The following CHMP4B variants were observed in gnomAD, a reference collection of about 807,000 sequenced individuals.
The protein encoded by CHMP4B is SNF7 homolog associated with Alix 1.
In CHMP4B, 1 loss-of-function variant was observed where a neutral mutation model predicts 25.1. The ratio of observed to expected loss-of-function variants is 0.04; its 90% CI spans 0.01 to 0.19. The LOEUF (loss-of-function observed/expected upper bound fraction) is 0.19, where lower values mean the gene tolerates loss of function less well. Among genes scored for constraint, CHMP4B ranks in the 10% least tolerant of loss-of-function variants. The pLI is 1.00. For missense variants in CHMP4B, 151 were observed against 289.7 expected, an observed-to-expected ratio of 0.52 and a Z score of 3.48; for synonymous variants, 101 against 115.6, an observed-to-expected ratio of 0.87 and a Z score of 0.81.
chr20:33,830,595 GA>G (rs1979212217), intron 1 of CHMP4B, among the ~76,000 whole-genome samples: 1 of 152,076 alleles, frequency 6.6e-6, no homozygotes, highest in Non-Finnish European at 1.5e-5. Flanking sequence ...GCAGGGAGTG[GA>G]TAGAGAGCGG....
At chr20:33,838,501 CA>C (rs1467991884) in intron 1 of CHMP4B, among the ~76,000 whole-genome samples, 1 of 152,044 alleles carries the variant, frequency 6.6e-6, no homozygotes. Context: ...AAAAGGAAGC[CA>C]AAAATCTGGA....
intron 1 of CHMP4B, among the ~76,000 whole-genome samples, chr20:33,813,143 TA>T (rs754102878): frequency 0.015 from 1,623 of 111,842 alleles, 15 homozygotes; most frequent in African/African-American, 0.036. Flanking sequence ...ACCAGCTCTG[TA>T]AAAAAAAAAA....
Position 33,811,423 on chromosome 20 carries a change from G to A in CHMP4B, c.-46G>A. On this transcript the variant is annotated 5_prime_UTR_variant, in exon 1 of 5. Coordinates refer to ENST00000217402, the MANE Select transcript of CHMP4B (RefSeq NM_176812.5). ...GCCGACCCGAGCCGAGCCGAGCCGA[G>A]CCGAGCCGGAGCGGGCGGCGAAGGC... is the stretch of plus-strand genomic sequence containing the variant. 6.9e-7 allele frequency: 1 copy of A among 1,443,874 alleles called. No homozygotes were observed. The highest frequency in any genetic ancestry group is 9.1e-7 in the Non-Finnish European group (1 of 1,098,914). 89.4% of individuals were successfully genotyped at this position (1,443,874 alleles called of 1,614,324 possible).
rs1467759722 is a variant in CHMP4B, at chr20:33,811,495, G to C, written c.27G>C (p.Gly9=). 5 of 1,589,432 alleles carry C rather than the reference G, an allele frequency of 3.1e-6. No individual in the cohort carries two copies. Among genetic ancestry groups the C allele is most frequent in the African/African-American group, 2.7e-5 (2 of 74,594 alleles). The stretch of plus-strand genomic sequence containing the variant: ...TGTCGGTGTTCGGGAAGCTGTTCGG[G>C]GCTGGAGGGGGTAAGGCCGGCAAGG... MSVFGKLF[G]AGGGKAGKGG... The change falls in exon 1 of 5, where the codon GGG becomes GGC. Residue 9 remains glycine, a synonymous_variant. Transcript: ENST00000217402.
chr20:33,814,326 T>C (rs1978723143), intron 1 of CHMP4B, among the ~76,000 whole-genome samples: 1 of 152,144 alleles, frequency 6.6e-6, no homozygotes. Flanking sequence ...GTGTCAGCCC[T>C]TCAGGAACTC....
intron 1 of CHMP4B, among the ~76,000 whole-genome samples, chr20:33,820,736 G>A (rs899862988): frequency 6.6e-6 from 1 of 152,162 alleles, no homozygotes; most frequent in African/African-American, 2.4e-5. Flanking sequence ...GTAATGGAAT[G>A]TTAGAGCAGA....
In CHMP4B at chr20:33,852,121, A is replaced by G; in HGVS notation, c.528A>G (p.Leu176=). 1.2e-6 allele frequency: 2 copies of G among 1,614,242 alleles called. No homozygotes were observed. The highest frequency in any genetic ancestry group is 1.7e-6 in the Non-Finnish European group (2 of 1,180,026). ...AELEELEQEE[L]DKNLLEISGP... Reference sequence around the variant, plus strand: ...TAGAAGAACTAGAACAGGAGGAACTAGACAAGAATTTGCTGGAAATCAGTG... The same window carrying G: ...TAGAAGAACTAGAACAGGAGGAACTGGACAAGAATTTGCTGGAAATCAGTG... Residue 176 remains leucine (L), a synonymous_variant, in exon 4 of 5, where the codon CTA becomes CTG. Transcript: ENST00000217402.
intron 1 of CHMP4B, among the ~76,000 whole-genome samples, chr20:33,821,086 CATT>C (rs2122785336): frequency 6.6e-6 from 1 of 152,220 alleles, no homozygotes; most frequent in Non-Finnish European, 1.5e-5. Context: ...CATAAGCAAT[CATT>C]ATAAATTCCT....
intron 4 of CHMP4B, among the ~76,000 whole-genome samples, chr20:33,852,893 C>T (rs1280224839): frequency 5.3e-5 from 8 of 152,162 alleles, no homozygotes; most frequent in Admixed American, 5.2e-4. Flanking sequence ...CATCCCCTCG[C>T]ACAATATTTC....
chr20:33,849,136 C>T (rs938316761), intron 2 of CHMP4B, among the ~76,000 whole-genome samples: 24 of 152,224 alleles, frequency 1.6e-4, no homozygotes, highest in Non-Finnish European at 1.5e-5. Context: ...CTCTCTTGCT[C>T]TCCGGCTGTA....
intron 1 of CHMP4B, among the ~76,000 whole-genome samples, chr20:33,829,415 C>T (rs1181831450): frequency 6.6e-6 from 1 of 152,158 alleles, no homozygotes; most frequent in African/African-American, 2.4e-5. Context: ...CAGAAACAAA[C>T]TCAGGCAAAA....
intron 1 of CHMP4B, among the ~76,000 whole-genome samples, chr20:33,823,250 T>A (rs1271539533): frequency 6.6e-6 from 1 of 152,108 alleles, no homozygotes; most frequent in Non-Finnish European, 1.5e-5. Flanking sequence ...AGCAACTCCA[T>A]GTGTGAGTGG....
intron 1 of CHMP4B, among the ~76,000 whole-genome samples, chr20:33,817,083 T>G (rs1978802325): frequency 1.3e-5 from 2 of 152,228 alleles, no homozygotes; most frequent in African/African-American, 4.8e-5. Context: ...GGAATCAAGA[T>G]CTCAGGTTGA....
intron 1 of CHMP4B, among the ~76,000 whole-genome samples, chr20:33,848,246 C>A (rs547432158): frequency 2.0e-4 from 31 of 152,258 alleles, no homozygotes; most frequent in African/African-American, 7.0e-4. Context: ...GAGGGTTGAA[C>A]TTTGGCTTGT....
intron 1 of CHMP4B, among the ~76,000 whole-genome samples, chr20:33,825,522 C>T (rs930386755): frequency 2.6e-5 from 4 of 152,114 alleles, no homozygotes; most frequent in Non-Finnish European, 5.9e-5. Context: ...CTGGGCTTTT[C>T]CTGAAACCAT....
intron 1 of CHMP4B, among the ~76,000 whole-genome samples, chr20:33,847,491 C>T (rs1360630362): frequency 1.3e-5 from 2 of 151,936 alleles, no homozygotes; most frequent in Admixed American, 1.3e-4. Context: ...GGAACTGAGA[C>T]CGTGAGGGGA....
At chr20:33,815,198 G>A (rs1978750455) in intron 1 of CHMP4B, among the ~76,000 whole-genome samples, 1 of 152,200 alleles carries the variant, frequency 6.6e-6, no homozygotes, top group Non-Finnish European at 1.5e-5. Context: ...GTATCTGCCT[G>A]ATTGGATGAA....
chr20:33,819,303 C>T (rs1308174163), intron 1 of CHMP4B, among the ~76,000 whole-genome samples: 1 of 152,166 alleles, frequency 6.6e-6, no homozygotes, highest in Non-Finnish European at 1.5e-5. Context: ...ACAGGCAGGG[C>T]CGAGCCATTT....
At chr20:33,823,743 C>T (rs544283412) in intron 1 of CHMP4B, among the ~76,000 whole-genome samples, 61 of 152,222 alleles carry the variant, frequency 4.0e-4, no homozygotes, top group South Asian at 2.1e-3. Flanking sequence ...TAGGGTTGCA[C>T]GATATTGGTT....
Sources: gnomAD v4.1 joint callset for allele counts (sites outside exome capture counted in the v4.1 genomes callset) on GRCh38, gnomAD v4.1.1 for gene constraint, MANE v1.5 for transcripts, NCBI Gene and HGNC (gene_info 2026-07-23, HGNC 2026-07-21) for gene names.